Variants in TPTE observed in about 807,000 individuals in gnomAD.
TPTE encodes the protein transmembrane phosphatase with tensin homology.
Under a neutral mutation model 84.1 loss-of-function variants are expected in TPTE, and 59 were observed. That is an observed-to-expected ratio of 0.70 (90% CI 0.57 to 0.87). The LOEUF is 0.87. Among genes scored for constraint, TPTE ranks in the 40% least tolerant of loss-of-function variants. TPTE has a pLI of 0.00. For synonymous variants in TPTE, 130 were observed against 223.5 expected, an observed-to-expected ratio of 0.58 and a Z score of 3.73; for missense variants, 382 against 659.6, an observed-to-expected ratio of 0.58 and a Z score of 4.61.
intron 19 of TPTE, among the ~76,000 whole-genome samples, chr21:10,592,630 T>A (rs2075503384): frequency 6.6e-6 from 1 of 152,306 alleles, no homozygotes; most frequent in African/African-American, 2.4e-5. Flanking sequence ...GCTCAGGAGT[T>A]GATTATTTTC....
At chr21:10,588,641 G>A (rs1341752589) in intron 17 of TPTE, among the ~76,000 whole-genome samples, 1 of 152,296 alleles carries the variant, frequency 6.6e-6, no homozygotes, top group Non-Finnish European at 1.5e-5. Flanking sequence ...TCTAGGGCAT[G>A]CCAGTAATTC....
intron 3 of TPTE, among the ~76,000 whole-genome samples, chr21:10,531,986 G>A (rs2074186354): frequency 6.6e-6 from 1 of 152,310 alleles, no homozygotes; most frequent in Admixed American, 6.5e-5. Context: ...TTATCTCTGA[G>A]CTCAATATTT....
At chr21:10,545,635 TACACAC>T (rs3049867) in intron 7 of TPTE, among the ~76,000 whole-genome samples, 3 of 151,008 alleles carry the variant, frequency 2.0e-5, no homozygotes, top group African/African-American at 4.9e-5. Flanking sequence ...AGGATCTATC[TACACAC>T]ACACACACAC....
chr21:10,529,924 T>TA (rs1555885548), intron 3 of TPTE, among the ~76,000 whole-genome samples: 4,812 of 149,488 alleles, frequency 0.032, 1 homozygote, highest in African/African-American at 0.079. Context: ...ATTTTTTTTT[T>TA]AAAAAAAGTA....
intron 7 of TPTE, among the ~76,000 whole-genome samples, chr21:10,550,282 T>C (rs1284078546): frequency 9.2e-5 from 14 of 152,422 alleles, no homozygotes; most frequent in Non-Finnish European, 1.5e-4. Flanking sequence ...ATGAAGGATA[T>C]AGACTTACTG....
chr21:10,592,217 G>A, intron 18 of TPTE, 76 bp from the exon 19 acceptor site: 2 of 1,596,050 alleles, frequency 1.3e-6, no homozygotes. Context: ...GGTGGGCGTA[G>A]AAACACTAAG....
chr21:10,544,673 C>G (rs1288696931), intron 7 of TPTE, among the ~76,000 whole-genome samples: 1 of 152,308 alleles, frequency 6.6e-6, no homozygotes, highest in Non-Finnish European at 1.5e-5. Flanking sequence ...CATGAGCCAT[C>G]AGATTGTATG....
chr21:10,539,957 C>T (rs567840133), intron 4 of TPTE, among the ~76,000 whole-genome samples: 63 of 152,392 alleles, frequency 4.1e-4, no homozygotes, highest in South Asian at 1.0e-3. Flanking sequence ...TGCAGTGAGC[C>T]GAGATCATGC....
chr21:10,591,531 G>T (rs1600969919), intron 18 of TPTE, among the ~76,000 whole-genome samples: 1 of 152,312 alleles, frequency 6.6e-6, no homozygotes, highest in Non-Finnish European at 1.5e-5. Context: ...ATATCCAAAG[G>T]TTTAAATATT....
intron 12 of TPTE, 71 bp from the exon 13 acceptor site, chr21:10,569,612 A>C: frequency 6.2e-7 from 1 of 1,613,782 alleles, no homozygotes; most frequent in East Asian, 2.2e-5. Context: ...GTTGATATCT[A>C]TACTGTATAA....
At chr21:10,540,596 A>G (rs2074350935) in intron 4 of TPTE, 1 of 511,272 alleles carries the variant, frequency 2.0e-6, no homozygotes, top group Non-Finnish European at 3.9e-6. Flanking sequence ...TAACCCTGGA[A>G]TTATTTCACC....
intron 17 of TPTE, among the ~76,000 whole-genome samples, chr21:10,587,313 C>T (rs7283620): frequency 0.013 from 1,929 of 149,048 alleles, no homozygotes; most frequent in African/African-American, 0.048. Context: ...TTGATCGCAT[C>T]ACCCAGGTAC....
chr21:10,541,124 T>C lies in TPTE; in HGVS notation c.24T>C (p.Thr8=), dbSNP rs1422523084. Residue 8 remains threonine, a synonymous_variant, in exon 5 of 24, where the codon ACT becomes ACC. Transcript: ENST00000618007. ...ATTTGTCCTTTAGTCCTGATCCGAC[T>C]GACCTGGCGGGAGTCATCATTGAGC... MNESPDP[T]DLAGVIIELG... The C allele has an allele frequency of 1.2e-6, 2 of 1,613,206 alleles. No homozygotes were observed. Among genetic ancestry groups the C allele is most frequent in the African/African-American group, 2.7e-5 (2 of 74,940 alleles).
chr21:10,521,925 C>G, intron 1 of TPTE, among the ~76,000 whole-genome samples: 1 of 152,364 alleles, frequency 6.6e-6, no homozygotes, highest in East Asian at 1.9e-4. Context: ...TCCCTCCGCC[C>G]TCCCCGTCCC....
At chr21:10,544,906 GATTC>G (rs1233741864) in intron 7 of TPTE, among the ~76,000 whole-genome samples, 104 of 152,362 alleles carry the variant, frequency 6.8e-4, no homozygotes, top group African/African-American at 2.5e-3. Context: ...ATATAAACTT[GATTC>G]ATTAAGTTTT....
At chr21:10,562,091 T>C (rs1437256402) in intron 10 of TPTE, among the ~76,000 whole-genome samples, 1 of 152,308 alleles carries the variant, frequency 6.6e-6, no homozygotes, top group Non-Finnish European at 1.5e-5. Flanking sequence ...CAAGAGTCTC[T>C]TTTTGGTAAT....
chr21:10,535,788 C>T (rs1392691186), intron 3 of TPTE, among the ~76,000 whole-genome samples: 3 of 152,310 alleles, frequency 2.0e-5, no homozygotes, highest in African/African-American at 7.2e-5. Context: ...CCATGTGAGG[C>T]TGGTGCCCCA....
At chr21:10,552,621 A>T in intron 7 of TPTE, 36 bp from the exon 8 acceptor site, 1 of 1,613,512 alleles carries the variant, frequency 6.2e-7, no homozygotes. Context: ...GCAAATATCT[A>T]ATGATATATT....
intron 14 of TPTE, among the ~76,000 whole-genome samples, chr21:10,571,850 C>A (rs879137598): frequency 6.6e-6 from 1 of 152,214 alleles, no homozygotes; most frequent in African/African-American, 2.4e-5. Context: ...CTAAAAAATA[C>A]AAAAATTAGT....
Sources: allele counts gnomAD v4.1 joint callset (sites outside exome capture counted in the v4.1 genomes callset), GRCh38; gene constraint gnomAD v4.1.1; transcripts MANE v1.5; gene names NCBI Gene and HGNC (gene_info 2026-07-23, HGNC 2026-07-21).